Variants in DST observed in about 807,000 individuals in gnomAD.
DST encodes the protein bullous pemphigoid antigen.
In DST, 253 loss-of-function variants were observed where a neutral mutation model predicts 875.2. The observed-to-expected ratio is 0.29, with a 90% CI of 0.26 to 0.32. The LOEUF is 0.32. Among genes scored for constraint, DST ranks in the 10% least tolerant of loss-of-function variants. The pLI, the probability that DST is intolerant of heterozygous loss-of-function variation, is 1.00. For synonymous variants in DST, 3,124 were observed against 3,197.1 expected, an observed-to-expected ratio of 0.98 and a Z score of 0.77; for missense variants, 8,287 against 9,111.6, an observed-to-expected ratio of 0.91 and a Z score of 3.68.
rs533443558 is a variant in DST, at chr6:56,509,501, C to A, written c.19012+141G>T. 7 of 647,752 alleles carry A rather than the reference C, an allele frequency of 1.1e-5. No homozygotes were observed. The African/African-American group carries it at 1.3e-4, about 12-fold the overall frequency. 40.1% of individuals were successfully genotyped at this position (647,752 alleles called of 1,614,324 possible). A position where few individuals can be genotyped will look rare whatever the true frequency, so the allele number is the denominator to read the frequency against. On this transcript the variant is annotated intron_variant, in intron 74 of 103. Transcript: ENST00000680361. ...AAGACATTAACAAGGGATTTGCATACACAGCCCTTCAACCCTAAACACATC... is the reference window on the plus strand; with the variant it reads ...AAGACATTAACAAGGGATTTGCATAAACAGCCCTTCAACCCTAAACACATC...
intron 102 of DST, 164 bp from the exon 103 acceptor site, chr6:56,460,418 A>T (rs2094269236): frequency 3.7e-6 from 2 of 539,130 alleles, no homozygotes; most frequent in Non-Finnish European, 6.1e-6. Context: ...TTCTCACTTG[A>T]TTTTCTCTTC....
chr6:56,499,652 G>A (rs2096054960), intron 80 of DST, among the ~76,000 whole-genome samples: 1 of 152,076 alleles, frequency 6.6e-6, no homozygotes, highest in Non-Finnish European at 1.5e-5. Context: ...GAAGAGAAAA[G>A]GGGCCATTTC....
intron 9 of DST, chr6:56,692,664 A>T (rs1275965667): frequency 7.8e-7 from 1 of 1,289,800 alleles, no homozygotes; most frequent in Non-Finnish European, 1.0e-6. Flanking sequence ...TTGTGTTGAC[A>T]TCATCTAAAT....
At chr6:56,858,911 T>C (rs1042368701) in intron 3 of DST, among the ~76,000 whole-genome samples, 7 of 152,230 alleles carry the variant, frequency 4.6e-5, no homozygotes, top group African/African-American at 1.7e-4. Flanking sequence ...ACAGTCATTC[T>C]GTCAGTACAA....
At chr6:56,559,172 AC>A (rs2097489543) in intron 58 of DST, among the ~76,000 whole-genome samples, 3 of 152,294 alleles carry the variant, frequency 2.0e-5, no homozygotes, top group South Asian at 2.1e-4. Context: ...CAATCTGGCA[AC>A]AAAATAATGC....
At chr6:56,580,739 T>G (rs1223472609) in intron 49 of DST, among the ~76,000 whole-genome samples, 1 of 148,060 alleles carries the variant, frequency 6.8e-6, no homozygotes. Flanking sequence ...TTTTTTTTTT[T>G]TTTTGGTTGG....
Position 56,640,604 on chromosome 6 carries a change from C to A in DST, c.2029G>T (p.Val677Phe). The change falls in exon 18 of 104, where the codon GTT becomes TTT. Residue 677 changes from valine to phenylalanine, a missense_variant and splice_region_variant. Around this residue, in one of 10 missense-constraint regions of DST, gnomAD observed 1,160 missense variants for 1,424.3 expected, o/e 0.81. Coordinates refer to ENST00000680361, the MANE Select transcript of DST (RefSeq NM_001374736.1). ...YYQADQLVQR[V>F]AKLRDEIMAL... Reference sequence around the variant, plus strand: ...ATAATTTCGTCACGCAGTTTTGCAACCCTGAAAAGAAAATCCAAAGGGATA... The same window carrying A: ...ATAATTTCGTCACGCAGTTTTGCAAACCTGAAAAGAAAATCCAAAGGGATA... 1 of 1,613,394 alleles carries A rather than the reference C, an allele frequency of 6.2e-7. No homozygotes were observed. Among genetic ancestry groups the A allele is most frequent in the Non-Finnish European group, 8.5e-7 (1 of 1,179,588 alleles).
intron 4 of DST, among the ~76,000 whole-genome samples, chr6:56,804,425 C>T (rs17684730): frequency 0.17 from 25,289 of 151,994 alleles, 2,345 homozygotes; most frequent in Non-Finnish European, 0.19. Flanking sequence ...CTAAAATTTA[C>T]TATTGATACT....
chr6:56,547,114 G>A (rs1298006076), intron 61 of DST, among the ~76,000 whole-genome samples: 2 of 152,164 alleles, frequency 1.3e-5, no homozygotes, highest in Non-Finnish European at 1.5e-5. Flanking sequence ...AAGAGAACAT[G>A]TTGCAAAGTT....
chr6:56,707,059 A>G (rs2099343973), intron 5 of DST, among the ~76,000 whole-genome samples: 1 of 152,156 alleles, frequency 6.6e-6, no homozygotes, highest in Non-Finnish European at 1.5e-5. Context: ...ATCTAACGCC[A>G]TCACTGATCT....
intron 2 of DST, among the ~76,000 whole-genome samples, chr6:56,939,095 G>T (rs1157374218): frequency 6.6e-6 from 1 of 152,262 alleles, no homozygotes; most frequent in Non-Finnish European, 1.5e-5. Context: ...GTTTTGTGAA[G>T]TTGTCCAATA....
At position 56,638,639 on chromosome 6, in the gene DST, T is replaced by C. The variant is rs145449396; in HGVS notation, c.2964+620A>G. ...TCTGTCTAATATACAATTTAAAACA[T>C]TGTCCCAACTGCATAGGCAACCTGA... On this transcript the variant is annotated intron_variant, in intron 22 of 103. Transcript: ENST00000680361. Among the ~76,000 whole-genome samples, 938 of 152,264 alleles carry C rather than the reference T, an allele frequency of 6.2e-3. 9 individuals are homozygous for C. Among genetic ancestry groups the C allele is most frequent in the African/African-American group, 0.021 (890 of 41,566 alleles).
At chr6:56,471,078 A>T (rs1324346738) in intron 95 of DST, 28 bp downstream of exon 95, 1 of 1,593,340 alleles carries the variant, frequency 6.3e-7, no homozygotes, top group African/African-American at 1.3e-5. Flanking sequence ...AAATTGTATC[A>T]GTCATAGTCA....
intron 49 of DST, among the ~76,000 whole-genome samples, chr6:56,583,672 A>G (rs1010379982): frequency 7.6e-4 from 115 of 152,294 alleles, no homozygotes; most frequent in African/African-American, 2.6e-3. Context: ...GTCCTTGCCC[A>G]TGCCTATGTC....
At chr6:56,468,904 T>A in intron 98 of DST, 78 bp downstream of exon 98, 1 of 1,211,086 alleles carries the variant, frequency 8.3e-7, no homozygotes, top group Non-Finnish European at 1.2e-6. Flanking sequence ...AGATTGGCCA[T>A]GGCAAGCTTT....
chr6:56,800,957 C>A (rs1455916004), intron 4 of DST, among the ~76,000 whole-genome samples: 1 of 144,986 alleles, frequency 6.9e-6, no homozygotes, highest in Non-Finnish European at 1.5e-5. Flanking sequence ...GAACTCAAGG[C>A]TACAGTAAGC....
chr6:56,501,339 T>C, intron 79 of DST, 104 bp from the exon 80 acceptor site: 1 of 1,304,542 alleles, frequency 7.7e-7, no homozygotes, highest in East Asian at 2.6e-5. Context: ...TATAAGTCCA[T>C]AAACGTATCC....
rs749258924 is a variant in DST, at chr6:56,606,508, T to C, written c.8120A>G (p.His2707Arg). The C allele has an allele frequency of 2.5e-6, 4 of 1,613,452 alleles. No individual in the cohort carries two copies. The highest frequency in any genetic ancestry group is 3.4e-6 in the Non-Finnish European group (4 of 1,179,578). Residue 2707 changes from histidine to arginine, a missense_variant, in exon 40 of 104, where the codon CAT becomes CGT. Physicochemically the swap from His to Arg is conservative, Grantham distance 29 (BLOSUM62 0). Around this residue, in one of 10 missense-constraint regions of DST, gnomAD observed 3,138 missense variants for 3,116.6 expected, o/e 1.01. Coordinates refer to ENST00000680361, the MANE Select transcript of DST (RefSeq NM_001374736.1). ...KDELDSGEKI[H>R]LNPVGSDKVN... ...CTTATCTGAGCCAACAGGATTTAAA[T>C]GTATTTTTTCACCAGAATCTAATTC... is the stretch of plus-strand genomic sequence containing the variant.
intron 2 of DST, among the ~76,000 whole-genome samples, chr6:56,919,640 A>T (rs552709764): frequency 6.6e-6 from 1 of 152,272 alleles, no homozygotes; most frequent in East Asian, 1.9e-4. Flanking sequence ...CTAAACTCCT[A>T]CATAAATTTG....
Sources: allele counts gnomAD v4.1 joint callset (sites outside exome capture counted in the v4.1 genomes callset), GRCh38; gene constraint gnomAD v4.1.1; regional missense constraint gnomAD v4.1.1; transcripts MANE v1.5; gene names NCBI Gene and HGNC (gene_info 2026-07-23, HGNC 2026-07-21).